Variants in ZNF275 observed in about 807,000 individuals in gnomAD.
The protein encoded by ZNF275 is zinc finger protein 275.
In ZNF275, 4 loss-of-function variants were observed where a neutral mutation model predicts 4.3. The observed-to-expected ratio is 0.93, with a 90% CI of 0.46 to 2.13. ZNF275 has a LOEUF of 2.13. Among genes scored for constraint, ZNF275 ranks in the 30% most tolerant of loss-of-function variants. ZNF275 has a pLI of 0.02. For synonymous variants in ZNF275, 173 were observed against 166.9 expected (o/e 1.04, Z -0.28); for missense variants, 352 against 397.1 (o/e 0.89, Z 0.97).
chrX:153,341,240 T>C (rs782265775), intron 2 of ZNF275, among the ~76,000 whole-genome samples: 8 of 112,430 alleles, frequency 7.1e-5, no homozygotes, highest in Non-Finnish European at 1.1e-4. Context: ...AAGTTTACCA[T>C]CTTGCTATTT....
intron 1 of ZNF275, among the ~76,000 whole-genome samples, chrX:153,335,298 C>T (rs184711442): frequency 5.6e-4 from 61 of 109,419 alleles, no homozygotes; most frequent in African/African-American, 2.0e-3. Flanking sequence ...GTCAATGAAA[C>T]ATTTCCTCTT....
chrX:153,341,828 A>T (rs188861176), intron 2 of ZNF275, among the ~76,000 whole-genome samples: 1 of 112,193 alleles, frequency 8.9e-6, no homozygotes, highest in East Asian at 2.8e-4. Flanking sequence ...GCTCCTCTCC[A>T]CGCAGCAACA....
rs1234021953 is a variant in ZNF275 at position 153,350,950 on chromosome X, G to A, written c.*2975G>A. 5 of 123,173 alleles carry A rather than the reference G, an allele frequency of 4.1e-5. No homozygotes were observed. Among genetic ancestry groups the A allele is most frequent in the Non-Finnish European group, 9.4e-5 (5 of 53,249 alleles). The allele number at this position is 123,173 out of a possible 1,213,427, so 10.2% of individuals were successfully genotyped here. On this transcript the variant is annotated 3_prime_UTR_variant, in exon 4 of 4. Coordinates refer to ENST00000650114, the MANE Select transcript of ZNF275 (RefSeq NM_001367757.1). ...GCCATGTCTTGCCCGTTCATTTATC[G>A]TTTGTTGGGTTTCATGAGGGATCCC...
intron 2 of ZNF275, 84 bp downstream of exon 2, chrX:153,336,794 A>G (rs1270517840): frequency 3.0e-6 from 3 of 1,008,050 alleles, no homozygotes; most frequent in African/African-American, 1.9e-5. Context: ...GGGTTACAAC[A>G]TGGTGAGGAG....
At position 153,349,477 on chromosome X, in the gene ZNF275, C is replaced by T. The variant is rs2088543104; in HGVS notation, c.*1502C>T. 8.1e-6 allele frequency: 1 copy of T among 124,001 alleles called. No homozygotes were observed. Among genetic ancestry groups the T allele is most frequent in the Non-Finnish European group, 1.9e-5 (1 of 53,381 alleles). 10.2% of individuals were successfully genotyped at this position (124,001 alleles called of 1,213,427 possible). ...CTTTGACTAGTTATCAACTTACCTT[C>T]GGATATATTAACTTTATGTAGCAGT... On this transcript the variant is annotated 3_prime_UTR_variant, in exon 4 of 4. Coordinates refer to ENST00000650114, the MANE Select transcript of ZNF275 (RefSeq NM_001367757.1).
Position 153,347,162 on chromosome X carries a change from C to A in ZNF275, c.477C>A (p.Gly159=). Reference sequence around the variant, plus strand: ...ACGTAGCTGCGGAGCCCCAGCCCGGCCCCAGTAGGGCCCTGGAGAATGCCG... The same window carrying A: ...ACGTAGCTGCGGAGCCCCAGCCCGGACCCAGTAGGGCCCTGGAGAATGCCG... ...KSHVAAEPQP[G]PSRALENAAE... is the part of the protein sequence containing the mutation. Residue 159 remains glycine, a synonymous_variant, in exon 4 of 4, where the codon GGC becomes GGA. Transcript: ENST00000650114. The A allele has an allele frequency of 8.3e-7, 1 of 1,209,808 alleles. No individual in the cohort carries two copies. Among genetic ancestry groups the A allele is most frequent in the Non-Finnish European group, 1.1e-6 (1 of 894,475 alleles).
chrX:153,341,950 A>G (rs782338349), intron 2 of ZNF275, among the ~76,000 whole-genome samples: 2 of 111,370 alleles, frequency 1.8e-5, no homozygotes, highest in African/African-American at 6.5e-5. Flanking sequence ...ACTTTCTTGG[A>G]CGTGTGAGCT....
chrX:153,334,789 G>T (rs2088433302), intron 1 of ZNF275, among the ~76,000 whole-genome samples: 1 of 106,729 alleles, frequency 9.4e-6, no homozygotes, highest in Non-Finnish European at 1.9e-5. Flanking sequence ...GGACTGAGCC[G>T]CAGTCTGGGA....
At chrX:153,344,395 A>C in intron 2 of ZNF275, 1 of 257,996 alleles carries the variant, frequency 3.9e-6, no homozygotes, top group Non-Finnish European at 7.3e-6. Context: ...CTGGGCTTGG[A>C]GTTCCAATCA....
chrX:153,342,223 T>C (rs2088484056), intron 2 of ZNF275, among the ~76,000 whole-genome samples: 4 of 112,517 alleles, frequency 3.6e-5, no homozygotes, highest in Admixed American at 1.9e-4. Context: ...TAATCACATC[T>C]AGTAAAATTT....
Position 153,347,939 on chromosome X carries a change from G to T in ZNF275, c.1254G>T (p.Ser418=). The change falls in exon 4 of 4, where the codon TCG becomes TCT. Residue 418 remains serine, a synonymous_variant. Transcript: ENST00000650114. Reference sequence around the variant, plus strand: ...GTGGCCGCGTGTTCAAGAGGCGCTCGGCACTGCAGAAGCATCAGCCAACCC... The same window carrying T: ...GTGGCCGCGTGTTCAAGAGGCGCTCTGCACTGCAGAAGCATCAGCCAACCC... ...SQCGRVFKRR[S]ALQKHQPTHH... 8.7e-7 allele frequency: 1 copy of T among 1,145,568 alleles called. No individual in the cohort carries two copies. Among genetic ancestry groups the T allele is most frequent in the Non-Finnish European group, 1.2e-6 (1 of 860,654 alleles). The allele number at this position is 1,145,568 out of a possible 1,213,427, so 94.4% of individuals were successfully genotyped here.
rs782631228 is a variant in ZNF275, at chrX:153,347,896, G to A, written c.1211G>A (p.Arg404His). 17 of 1,185,074 alleles carry A rather than the reference G, an allele frequency of 1.4e-5. No homozygotes were observed. The highest frequency in any genetic ancestry group is 1.9e-5 in the South Asian group (1 of 53,480). The change falls in exon 4 of 4, where the codon CGC (arginine) becomes CAC (histidine). Residue 404 changes from arginine (R) to histidine (H), a missense_variant. Physicochemically the swap from Arg to His is conservative, Grantham distance 29. Transcript: ENST00000650114. ...RHRRIHSGARRCECSQCGRVF... is the reference protein window; with the variant it reads ...RHRRIHSGARHCECSQCGRVF... ...CGGCGGATCCACAGTGGGGCGCGGC[G>A]CTGCGAATGCAGCCAGTGTGGCCGC...
intron 2 of ZNF275, chrX:153,343,353 G>T: frequency 3.0e-6 from 1 of 328,313 alleles, no homozygotes; most frequent in South Asian, 2.8e-5. Flanking sequence ...ATCACAACAG[G>T]AACTGTGTAG....
intron 2 of ZNF275, among the ~76,000 whole-genome samples, chrX:153,337,277 G>A (rs187579030): frequency 2.4e-4 from 27 of 111,786 alleles, no homozygotes; most frequent in African/African-American, 8.8e-4. Context: ...CTATTTGTGC[G>A]ATAAAATCAG....
At chrX:153,339,208 T>A (rs1293893897) in intron 2 of ZNF275, among the ~76,000 whole-genome samples, 1 of 110,967 alleles carries the variant, frequency 9.0e-6, no homozygotes, top group Non-Finnish European at 1.9e-5. Context: ...GACTCAGGAG[T>A]GACCAAGAAT....
chrX:153,346,772 C>G (rs910745894), intron 3 of ZNF275, 47 bp from the exon 4 acceptor site: 1 of 1,108,849 alleles, frequency 9.0e-7, no homozygotes, highest in African/African-American at 1.9e-5. Flanking sequence ...AGGCCCTTCC[C>G]TCCTTCATCC....
At chrX:153,345,676 G>A in intron 3 of ZNF275, 55 bp downstream of exon 3, 12 of 1,028,423 alleles carry the variant, frequency 1.2e-5, no homozygotes, top group Non-Finnish European at 1.6e-5. Flanking sequence ...AGCTGCTATG[G>A]GGCATGGGTT....
In ZNF275 at chrX:153,344,580, C is replaced by T. The variant is rs1254414683; in HGVS notation, c.32-940C>T. 8.2e-6 allele frequency: 3 copies of T among 366,828 alleles called. No individual in the cohort carries two copies. The East Asian group carries it at 2.3e-4, about 28-fold the overall frequency. 30.2% of individuals were successfully genotyped at this position (366,828 alleles called of 1,213,427 possible). On this transcript the variant is annotated intron_variant, in intron 2 of 3. Coordinates refer to ENST00000650114, the MANE Select transcript of ZNF275 (RefSeq NM_001367757.1). Reference sequence around the variant, plus strand: ...GTTAGCAACAGACACCCACTCCAGACCCTCACCTCTTGACCCTGGCATTAC... The same window carrying T: ...GTTAGCAACAGACACCCACTCCAGATCCTCACCTCTTGACCCTGGCATTAC...
Position 153,349,736 on chromosome X carries a change from AC to A in ZNF275, c.*1763del, listed in dbSNP as rs1401380882. The A allele has an allele frequency of 8.1e-6, 1 of 123,655 alleles. No individual in the cohort carries two copies. Among genetic ancestry groups the A allele is most frequent in the Non-Finnish European group, 1.9e-5 (1 of 53,348 alleles). The allele number at this position is 123,655 out of a possible 1,213,427, so 10.2% of individuals were successfully genotyped here. A position where few individuals can be genotyped will look rare whatever the true frequency, so the allele number is the denominator to read the frequency against. On this transcript the variant is annotated 3_prime_UTR_variant, in exon 4 of 4. Transcript: ENST00000650114. ...CCCCAGCCCATCAGAAGGTGAGTAC[AC>A]CAGGTGGGCAGGCTGGATGGAAATG...
Sources: allele counts gnomAD v4.1 joint callset (sites outside exome capture counted in the v4.1 genomes callset), GRCh38; gene constraint gnomAD v4.1.1; transcripts MANE v1.5; gene names NCBI Gene and HGNC (gene_info 2026-07-23, HGNC 2026-07-21).